Variants in CCDC146 observed in about 807,000 individuals in gnomAD.
The protein encoded by CCDC146 is coiled-coil domain-containing protein 146.
A neutral mutation model predicts 119.3 loss-of-function variants in CCDC146; 92 were observed. The ratio of observed to expected loss-of-function variants is 0.77; its 90% CI spans 0.65 to 0.92. CCDC146 has a LOEUF of 0.92. Ranked by LOEUF, CCDC146 falls within the 40% of genes least tolerant of loss-of-function variation. The pLI, the probability that CCDC146 is intolerant of heterozygous loss-of-function variation, is 0.00. For missense variants in CCDC146, 1,000 were observed against 1,103.0 expected, an observed-to-expected ratio of 0.91 and a Z score of 1.32; for synonymous variants, 372 against 371.8, an observed-to-expected ratio of 1.00 and a Z score of -0.01.
intron 9 of CCDC146, among the ~76,000 whole-genome samples, chr7:77,262,792 G>A (rs1793325765): frequency 6.6e-6 from 1 of 152,164 alleles, no homozygotes; most frequent in African/African-American, 2.4e-5. Flanking sequence ...TTCTGTGCAG[G>A]GTCAGAGGTG....
intron 1 of CCDC146, among the ~76,000 whole-genome samples, chr7:77,123,704 G>A (rs1016456560): frequency 3.9e-5 from 6 of 152,178 alleles, no homozygotes; most frequent in African/African-American, 1.4e-4. Context: ...TATCGTGATA[G>A]ATAGACTGGG....
intron 2 of CCDC146, among the ~76,000 whole-genome samples, chr7:77,207,941 C>G (rs1184689725): frequency 6.6e-6 from 1 of 152,188 alleles, no homozygotes; most frequent in Non-Finnish European, 1.5e-5. Flanking sequence ...ATTGATTCAA[C>G]AAACACTTAC....
chr7:77,256,099 T>A (rs570000893), intron 5 of CCDC146, among the ~76,000 whole-genome samples: 1 of 144,528 alleles, frequency 6.9e-6, no homozygotes, highest in South Asian at 2.1e-4. Context: ...AATTCAAATA[T>A]AATGTTGTGT....
At chr7:77,174,728 C>G (rs1224967774) in intron 2 of CCDC146, among the ~76,000 whole-genome samples, 1 of 152,190 alleles carries the variant, frequency 6.6e-6, no homozygotes, top group Non-Finnish European at 1.5e-5. Flanking sequence ...TGCCTCCTAC[C>G]TCACTACTGT....
chr7:77,174,189 G>A (rs1307826512), intron 2 of CCDC146, among the ~76,000 whole-genome samples: 1 of 152,106 alleles, frequency 6.6e-6, no homozygotes, highest in Non-Finnish European at 1.5e-5. Flanking sequence ...TTTGTGTCTG[G>A]CTGCTTTTGC....
intron 9 of CCDC146, among the ~76,000 whole-genome samples, chr7:77,262,918 C>G (rs776007160): frequency 6.6e-6 from 1 of 152,182 alleles, no homozygotes; most frequent in Non-Finnish European, 1.5e-5. Flanking sequence ...TGGTAAATGA[C>G]CAAGCGCCAC....
chr7:77,273,640 CT>C, intron 9 of CCDC146, 53 bp from the exon 10 acceptor site: 1 of 1,366,870 alleles, frequency 7.3e-7, no homozygotes, highest in South Asian at 1.2e-5. Context: ...CTGCCTCAGC[CT>C]CCCAAAGATT....
At chr7:77,242,934 T>C (rs2150490888) in intron 4 of CCDC146, among the ~76,000 whole-genome samples, 1 of 152,222 alleles carries the variant, frequency 6.6e-6, no homozygotes, top group East Asian at 1.9e-4. Context: ...AATCAAGAGA[T>C]CCTATTCAGG....
chr7:77,239,016 C>T (rs755196326), intron 3 of CCDC146, among the ~76,000 whole-genome samples: 11 of 152,156 alleles, frequency 7.2e-5, no homozygotes, highest in African/African-American at 1.9e-4. Context: ...ACTCTTCATT[C>T]GTGCTGCTAG....
chr7:77,151,353 A>G (rs1309231461), intron 1 of CCDC146, among the ~76,000 whole-genome samples: 1 of 152,050 alleles, frequency 6.6e-6, no homozygotes, highest in Admixed American at 6.6e-5. Context: ...AGGCAAAACT[A>G]CTGGTGGTTA....
chr7:77,293,453 G>A (rs1326392851), intron 18 of CCDC146, among the ~76,000 whole-genome samples: 1 of 152,220 alleles, frequency 6.6e-6, no homozygotes, highest in African/African-American at 2.4e-5. Flanking sequence ...GGCTGCTGAG[G>A]CTGAACATCA....
At chr7:77,173,610 C>G (rs913875904) in intron 2 of CCDC146, among the ~76,000 whole-genome samples, 1 of 152,240 alleles carries the variant, frequency 6.6e-6, no homozygotes, top group African/African-American at 2.4e-5. Flanking sequence ...GTCTGGGCAA[C>G]AAGTGAAACT....
At chr7:77,267,224 C>G (rs1203350908) in intron 9 of CCDC146, among the ~76,000 whole-genome samples, 2 of 152,074 alleles carry the variant, frequency 1.3e-5, no homozygotes, top group East Asian at 3.9e-4. Flanking sequence ...AACTCCTGAC[C>G]TCAGGTGATC....
At chr7:77,184,731 G>A (rs1791637987) in intron 2 of CCDC146, among the ~76,000 whole-genome samples, 2 of 152,148 alleles carry the variant, frequency 1.3e-5, no homozygotes, top group Non-Finnish European at 2.9e-5. Flanking sequence ...TGTCATGGTT[G>A]TTGTAAATTT....
At chr7:77,274,206 A>G (rs1793581330) in intron 10 of CCDC146, among the ~76,000 whole-genome samples, 1 of 152,216 alleles carries the variant, frequency 6.6e-6, no homozygotes, top group African/African-American at 2.4e-5. Flanking sequence ...AATGAAAACA[A>G]TGAAGCTAAA....
chr7:77,152,939 A>T (rs1019498678), intron 1 of CCDC146, among the ~76,000 whole-genome samples: 1 of 152,206 alleles, frequency 6.6e-6, no homozygotes, highest in Non-Finnish European at 1.5e-5. Context: ...TCCTCACAAT[A>T]ACACTGAAAT....
At chr7:77,178,625 A>G (rs576799758) in intron 2 of CCDC146, among the ~76,000 whole-genome samples, 1 of 152,300 alleles carries the variant, frequency 6.6e-6, no homozygotes, top group South Asian at 2.1e-4. Flanking sequence ...TACAGTTTTA[A>G]TCACCTCTTT....
At chr7:77,281,945 G>A (rs989746734) in intron 14 of CCDC146, among the ~76,000 whole-genome samples, 2 of 152,158 alleles carry the variant, frequency 1.3e-5, no homozygotes, top group East Asian at 1.9e-4. Context: ...GTGCATGATC[G>A]GTCATGCAGA....
intron 15 of CCDC146, among the ~76,000 whole-genome samples, chr7:77,284,350 C>A (rs1308240019): frequency 6.6e-6 from 1 of 152,044 alleles, no homozygotes; most frequent in East Asian, 1.9e-4. Flanking sequence ...GCTTCTCTTT[C>A]ACCTCCCCTC....
Sources: allele counts gnomAD v4.1 joint callset (sites outside exome capture counted in the v4.1 genomes callset), GRCh38; gene constraint gnomAD v4.1.1; transcripts MANE v1.5; gene names NCBI Gene and HGNC (gene_info 2026-07-23, HGNC 2026-07-21).